Variants in FANCL observed in about 807,000 individuals in gnomAD.
The protein encoded by FANCL is FA complementation group L.
A neutral mutation model predicts 59.4 loss-of-function variants in FANCL; 69 were observed. That is an observed-to-expected ratio of 1.16 (90% CI 0.96 to 1.42). The LOEUF (loss-of-function observed/expected upper bound fraction) is 1.42. Among genes scored for constraint, FANCL ranks in the 40% most tolerant of loss-of-function variants. The probability of loss-of-function intolerance (pLI) is 0.00; values close to 1 mark genes in which losing one functional copy is unlikely to be tolerated. For missense variants in FANCL, 519 were observed against 447.2 expected, an observed-to-expected ratio of 1.16 and a Z score of -1.45; for synonymous variants, 180 against 147.1, an observed-to-expected ratio of 1.22 and a Z score of -1.62.
intron 7 of FANCL, among the ~76,000 whole-genome samples, chr2:58,166,284 A>T (rs1685949343): frequency 6.6e-6 from 1 of 152,170 alleles, no homozygotes; most frequent in African/African-American, 2.4e-5. Flanking sequence ...TGTTTGCTGC[A>T]GCAATCAAGT....
At position 58,207,082 on chromosome 2, in the gene FANCL, T is replaced by C. The variant is rs570011159; in HGVS notation, c.375-2856A>G. On this transcript the variant is annotated intron_variant, in intron 5 of 13. Transcript: ENST00000233741. ...TCCTAGCTGCCCTTGCAAGGAGGTG[T>C]TGGCATATAACTACATTTTGGCCAG... Among the ~76,000 whole-genome samples, 6 of 152,252 alleles carry C rather than the reference T, an allele frequency of 3.9e-5. No homozygotes were observed. In the South Asian group the frequency reaches 6.2e-4, roughly 16 times the overall value.
chr2:58,192,007 T>C (rs1199530888), intron 7 of FANCL, among the ~76,000 whole-genome samples: 3 of 151,940 alleles, frequency 2.0e-5, no homozygotes, highest in African/African-American at 7.2e-5. Flanking sequence ...AGACTCTGTA[T>C]TCTCTTTATA....
chr2:58,167,260 A>T (rs1461077641), intron 7 of FANCL, among the ~76,000 whole-genome samples: 1 of 152,202 alleles, frequency 6.6e-6, no homozygotes, highest in African/African-American at 2.4e-5. Flanking sequence ...ATACCCGAAA[A>T]ATAACCTTTG....
chr2:58,167,198 T>C (rs1686042980), intron 7 of FANCL, among the ~76,000 whole-genome samples: 1 of 152,076 alleles, frequency 6.6e-6, no homozygotes, highest in African/African-American at 2.4e-5. Flanking sequence ...GTGACAGAGC[T>C]AGACTCCGTC....
intron 7 of FANCL, among the ~76,000 whole-genome samples, chr2:58,186,100 T>C (rs1293688668): frequency 6.6e-6 from 1 of 152,102 alleles, no homozygotes; most frequent in Non-Finnish European, 1.5e-5. Context: ...AAGATTACAA[T>C]TTTCTAGGGG....
chr2:58,159,626 TTTA>T lies in FANCL; in HGVS notation c.*136_*138del, dbSNP rs767270220. 1 of 1,613,796 alleles carries T rather than the reference TTTA, an allele frequency of 6.2e-7. No individual in the cohort carries two copies. Among genetic ancestry groups the T allele is most frequent in the Non-Finnish European group, 8.5e-7 (1 of 1,179,780 alleles). ...CTTAGTGAAGAGACAAACGCAGATG[TTTA>T]TTATTATCGCATCATCATACCTGTC... On this transcript the variant is annotated 3_prime_UTR_variant, in exon 14 of 14. Coordinates refer to ENST00000233741, the MANE Select transcript of FANCL (RefSeq NM_018062.4).
intron 5 of FANCL, among the ~76,000 whole-genome samples, chr2:58,219,273 G>C (rs13404186): frequency 1.0e-4 from 14 of 138,684 alleles, no homozygotes; most frequent in African/African-American, 3.4e-4. Flanking sequence ...GCCAAAGCTA[G>C]AACAAATTGA....
chr2:58,221,882 T>A, intron 5 of FANCL, 60 bp downstream of exon 5: 1 of 1,207,234 alleles, frequency 8.3e-7, no homozygotes. Flanking sequence ...AAACTAGAAA[T>A]ACATTAAGTT....
intron 1 of FANCL, among the ~76,000 whole-genome samples, chr2:58,234,225 T>G (rs923560990): frequency 6.6e-6 from 1 of 151,848 alleles, no homozygotes; most frequent in Non-Finnish European, 1.5e-5. Flanking sequence ...ATTATAATAA[T>G]AAATGAAATA....
intron 4 of FANCL, 60 bp downstream of exon 4, chr2:58,226,668 C>CA (rs1693030700): frequency 7.9e-7 from 1 of 1,268,940 alleles, no homozygotes; most frequent in South Asian, 1.3e-5. Flanking sequence ...AAAGGAGTTA[C>CA]AAAAAAGAAA....
intron 8 of FANCL, among the ~76,000 whole-genome samples, chr2:58,164,382 C>T (rs1007246968): frequency 6.6e-6 from 1 of 151,906 alleles, no homozygotes; most frequent in African/African-American, 2.4e-5. Context: ...AATGACTAGC[C>T]ATTCAATGAG....
At chr2:58,234,387 TAA>T (rs1296160117) in intron 1 of FANCL, among the ~76,000 whole-genome samples, 2 of 151,312 alleles carry the variant, frequency 1.3e-5, no homozygotes, top group African/African-American at 2.4e-5. Context: ...GGAATAAATT[TAA>T]AAAGAGTCCA....
rs760804603 is a variant in FANCL, at chr2:58,159,345, A to G, written c.*420T>C. ...ACTAAACTATATATGTATTTTTTCC[A>G]TAGGAAAGCACAAGGAGAAGACAGA... On this transcript the variant is annotated 3_prime_UTR_variant, in exon 14 of 14. Transcript: ENST00000233741. The G allele has an allele frequency of 1.3e-6, 2 of 1,586,788 alleles. No individual in the cohort carries two copies. Among genetic ancestry groups the G allele is most frequent in the Non-Finnish European group, 8.5e-7 (1 of 1,170,510 alleles).
At chr2:58,238,834 T>A (rs970270165) in intron 1 of FANCL, among the ~76,000 whole-genome samples, 3 of 152,180 alleles carry the variant, frequency 2.0e-5, no homozygotes, top group African/African-American at 4.8e-5. Flanking sequence ...ATGGTGGTTA[T>A]AAGGCTACAT....
intron 12 of FANCL, among the ~76,000 whole-genome samples, 178 bp from the exon 13 acceptor site, chr2:58,160,357 T>C (rs1277607139): frequency 1.3e-5 from 2 of 152,040 alleles, no homozygotes; most frequent in Non-Finnish European, 2.9e-5. Context: ...TATTAAGATG[T>C]TGAGTAACAA....
chr2:58,204,208 GGT>G lies in FANCL; in HGVS notation c.391_392del (p.Thr131LeufsTer15). On this transcript the variant is annotated frameshift_variant, in exon 6 of 14. Coordinates refer to ENST00000233741, the MANE Select transcript of FANCL (RefSeq NM_018062.4). LOFTEE classifies it high-confidence loss of function. ...LGWDKLVYAD[T>X]CFSTIKLKAE... The stretch of plus-strand genomic sequence containing the variant: ...CTTTTAACTTGATGGTACTGAAGCA[GGT>G]ATCCGCATACACAAGTCTGGTGAGC... 1 of 1,613,096 alleles carries G rather than the reference GGT, an allele frequency of 6.2e-7. No individual in the cohort carries two copies. The highest frequency in any genetic ancestry group is 8.5e-7 in the Non-Finnish European group (1 of 1,179,230).
intron 5 of FANCL, among the ~76,000 whole-genome samples, chr2:58,221,635 ATTAC>A (rs1211815895): frequency 6.6e-6 from 1 of 152,196 alleles, no homozygotes; most frequent in Non-Finnish European, 1.5e-5. Flanking sequence ...GTGTCTCAGC[ATTAC>A]TCTTCAAACA....
intron 7 of FANCL, among the ~76,000 whole-genome samples, chr2:58,175,139 T>A (rs1215943460): frequency 1.4e-5 from 2 of 145,892 alleles, no homozygotes; most frequent in African/African-American, 2.6e-5. Context: ...GTGGCGAAAA[T>A]CAATAGCTTA....
At position 58,241,285 on chromosome 2, in the gene FANCL, C is replaced by T; in HGVS notation, c.29G>A (p.Arg10His). 3 of 1,614,244 alleles carry T rather than the reference C, an allele frequency of 1.9e-6. No homozygotes were observed. The highest frequency in any genetic ancestry group is 2.5e-6 in the Non-Finnish European group (3 of 1,180,042). MAVTEASLL[R>H]QCPLLLPQNR... ...CTGGGGCAGAAGCAGGGGGCACTGG[C>T]GCAACAGGCTCGCTTCCGTCACCGC... Residue 10 changes from arginine to histidine, a missense_variant, in exon 1 of 14, where the codon CGC (arginine) becomes CAC (histidine). Physicochemically the swap from Arg to His is conservative, Grantham distance 29. Transcript: ENST00000233741.
Sources: gnomAD v4.1 joint callset for allele counts (sites outside exome capture counted in the v4.1 genomes callset) on GRCh38, gnomAD v4.1.1 for gene constraint, MANE v1.5 for transcripts, NCBI Gene and HGNC (gene_info 2026-07-23, HGNC 2026-07-21) for gene names.